CORO2B: variants seen among roughly 807,000 people sequenced by gnomAD.
The protein encoded by CORO2B is coronin 2B, also known as coronin-2B.
In CORO2B, 26 loss-of-function variants were observed where a neutral mutation model predicts 58.8. The observed-to-expected ratio is 0.44, with a 90% CI of 0.32 to 0.61. The LOEUF (loss-of-function observed/expected upper bound fraction) is 0.61. Ranked by LOEUF, CORO2B falls within the 20% of genes least tolerant of loss-of-function variation. The pLI is 0.04. For synonymous variants in CORO2B, 242 were observed against 253.8 expected (o/e 0.95, Z 0.44); for missense variants, 460 against 645.1 (o/e 0.71, Z 3.11).
chr15:68,712,786 C>T (rs2140328642), intron 5 of CORO2B, among the ~76,000 whole-genome samples: 1 of 152,258 alleles, frequency 6.6e-6, no homozygotes, highest in Non-Finnish European at 1.5e-5. Context: ...CGTGAGAACA[C>T]TTAACCTTAG....
chr15:68,690,193 T>C (rs901715221), intron 2 of CORO2B, among the ~76,000 whole-genome samples: 2 of 152,190 alleles, frequency 1.3e-5, no homozygotes, highest in Admixed American at 6.5e-5. Flanking sequence ...TCAGTGATCG[T>C]GGGAATATTT....
chr15:68,679,502 G>A (rs1249673439), intron 2 of CORO2B, among the ~76,000 whole-genome samples: 2 of 152,208 alleles, frequency 1.3e-5, no homozygotes, highest in Non-Finnish European at 2.9e-5. Flanking sequence ...AGAGCACAGA[G>A]GCAGAGGGAG....
chr15:68,532,353 A>G, the CORO2B span, among the ~76,000 whole-genome samples: 1 of 151,750 alleles, frequency 6.6e-6, no homozygotes, highest in East Asian at 1.9e-4. Flanking sequence ...AGCCTTTTGC[A>G]TTTCTGTTTT....
intron 5 of CORO2B, among the ~76,000 whole-genome samples, chr15:68,713,141 G>T: frequency 6.6e-6 from 1 of 152,208 alleles, no homozygotes; most frequent in East Asian, 1.9e-4. Context: ...AGACAGCTCA[G>T]TTAAGGAGGC....
chr15:68,538,767 G>GCA, the CORO2B span, among the ~76,000 whole-genome samples: 1 of 14,948 alleles, frequency 6.7e-5, no homozygotes, highest in Non-Finnish European at 2.0e-4. Context: ...AGACCTACTG[G>GCA]GAGAGAAGAG....
At chr15:68,540,614 G>C in the CORO2B span, among the ~76,000 whole-genome samples, 2 of 152,226 alleles carry the variant, frequency 1.3e-5, no homozygotes, top group African/African-American at 4.8e-5. Context: ...CAGAGCTGCT[G>C]TATACATTTT....
intron 2 of CORO2B, among the ~76,000 whole-genome samples, chr15:68,650,224 G>A (rs953576939): frequency 1.3e-5 from 2 of 151,790 alleles, no homozygotes; most frequent in African/African-American, 4.8e-5. Context: ...CAAAATTAGC[G>A]GGGCATGATG....
chr15:68,673,136 G>A (rs1048362586), intron 2 of CORO2B, among the ~76,000 whole-genome samples: 4 of 152,276 alleles, frequency 2.6e-5, no homozygotes, highest in South Asian at 2.1e-4. Flanking sequence ...TGCAGAGTCT[G>A]CCCTCTTCTG....
At chr15:68,541,234 C>CAA in the CORO2B span, among the ~76,000 whole-genome samples, 4,767 of 148,008 alleles carry the variant, frequency 0.032, 133 homozygotes, top group African/African-American at 0.074. Context: ...GACCCTGTCT[C>CAA]AAATAAAAAA....
the CORO2B span, among the ~76,000 whole-genome samples, chr15:68,539,972 A>C: frequency 2.0e-5 from 3 of 152,346 alleles, no homozygotes; most frequent in South Asian, 2.1e-4. Context: ...CGTGCAGTTG[A>C]AAAAGGGAGG....
At chr15:68,620,573 T>C (rs1900488000) in intron 1 of CORO2B, among the ~76,000 whole-genome samples, 1 of 152,226 alleles carries the variant, frequency 6.6e-6, no homozygotes, top group Admixed American at 6.5e-5. Context: ...CATTCAAAAG[T>C]CTGCGTTTAG....
At chr15:68,657,157 C>T (rs1160326147) in intron 2 of CORO2B, among the ~76,000 whole-genome samples, 1 of 150,478 alleles carries the variant, frequency 6.6e-6, no homozygotes, top group East Asian at 1.9e-4. Context: ...CTAGAAAAAC[C>T]CATAGACCCC....
chr15:68,679,869 G>A (rs997353812), intron 2 of CORO2B, among the ~76,000 whole-genome samples: 16 of 152,192 alleles, frequency 1.1e-4, no homozygotes, highest in Admixed American at 9.8e-4. Context: ...GATTCCCAGG[G>A]TCATTACCTC....
chr15:68,540,352 CA>C, the CORO2B span, among the ~76,000 whole-genome samples: 1 of 152,180 alleles, frequency 6.6e-6, no homozygotes, highest in Non-Finnish European at 1.5e-5. Context: ...GCAAGTTTTC[CA>C]AAATTCTAAT....
In CORO2B at chr15:68,719,560, A is replaced by G. The variant is rs1327174334; in HGVS notation, c.1311+8A>G. 4 of 1,610,746 alleles carry G rather than the reference A, an allele frequency of 2.5e-6. No individual in the cohort carries two copies. In the East Asian group the frequency reaches 8.9e-5, roughly 36 times the overall value. On this transcript the variant is annotated splice_region_variant and intron_variant, in intron 11 of 11. Coordinates refer to ENST00000261861, the MANE Select transcript of CORO2B (RefSeq NM_006091.5). ...CCCAGGACAGAGAATGAGGTAAGGAATGTAAGTTATTACCTCCACAGGCCC... is the reference window on the plus strand; with the variant it reads ...CCCAGGACAGAGAATGAGGTAAGGAGTGTAAGTTATTACCTCCACAGGCCC...
chr15:68,629,970 C>T (rs1900784050), intron 1 of CORO2B, among the ~76,000 whole-genome samples: 1 of 152,194 alleles, frequency 6.6e-6, no homozygotes, highest in African/African-American at 2.4e-5. Context: ...CTGCCAGAGG[C>T]ACCCTGCCCT....
the CORO2B span, among the ~76,000 whole-genome samples, chr15:68,541,660 T>G: frequency 6.6e-6 from 1 of 152,232 alleles, no homozygotes; most frequent in African/African-American, 2.4e-5. Flanking sequence ...CAGTGCCCTA[T>G]GAATTATGAG....
intron 1 of CORO2B, among the ~76,000 whole-genome samples, chr15:68,603,250 ATGACTG>A (rs1000525221): frequency 1.3e-5 from 2 of 152,220 alleles, no homozygotes; most frequent in African/African-American, 4.8e-5. Flanking sequence ...TAGTTGCTGG[ATGACTG>A]TGTTGTCAAA....
Position 68,645,289 on chromosome 15 carries a change from A to T in CORO2B, c.145A>T (p.Asn49Tyr). 6.2e-7 allele frequency: 1 copy of T among 1,614,058 alleles called. No individual in the cohort carries two copies. The highest frequency in any genetic ancestry group is 8.5e-7 in the Non-Finnish European group (1 of 1,180,002). Residue 49 changes from asparagine to tyrosine, a missense_variant, in exon 2 of 12, where the codon AAC becomes TAC. This residue lies in a region of CORO2B where 352 missense variants were observed against 543.0 expected (regional missense o/e 0.65). Coordinates refer to ENST00000261861, the MANE Select transcript of CORO2B (RefSeq NM_006091.5). This position sits in a 1 kb window ranked among gnomAD's most constrained non-coding sequence, Gnocchi z 4.5. ...GCACGACAACCACTTCTGTGCCGTC[A>T]ACACCCGCTTCCTGGCCATCGTCAC... Reference protein sequence around the residue: ...NVHDNHFCAVNTRFLAIVTES... With the variant: ...NVHDNHFCAVYTRFLAIVTES...
Sources: gnomAD v4.1 joint callset for allele counts (sites outside exome capture counted in the v4.1 genomes callset) on GRCh38, gnomAD v4.1.1 for gene constraint, gnomAD v4.1.1 regional missense constraint, Gnocchi (gnomAD v3.1) non-coding constraint, MANE v1.5 for transcripts, NCBI Gene and HGNC (gene_info 2026-07-23, HGNC 2026-07-21) for gene names.